Variants in PGAP1 observed in about 807,000 individuals in gnomAD.
PGAP1 encodes the protein post-GPI attachment to proteins inositol deacylase 1.
In PGAP1, 76 loss-of-function variants were observed where a neutral mutation model predicts 127.0. The observed-to-expected ratio is 0.60, with a 90% confidence interval of 0.50 to 0.72. PGAP1 has a LOEUF of 0.72. Among genes scored for constraint, PGAP1 ranks in the 30% least tolerant of loss-of-function variants. PGAP1 has a pLI of 0.00. For synonymous variants in PGAP1, 362 were observed against 366.5 expected, an observed-to-expected ratio of 0.99 and a Z score of 0.14; for missense variants, 982 against 1,071.3, an observed-to-expected ratio of 0.92 and a Z score of 1.16.
At chr2:196,904,352 T>C (rs1702613991) in intron 4 of PGAP1, among the ~76,000 whole-genome samples, 1 of 152,120 alleles carries the variant, frequency 6.6e-6, no homozygotes, top group Non-Finnish European at 1.5e-5. Flanking sequence ...CAACTCAAGC[T>C]TAGGATTCTA....
chr2:196,912,160 G>A (rs1026142295), intron 4 of PGAP1, among the ~76,000 whole-genome samples: 1 of 152,016 alleles, frequency 6.6e-6, no homozygotes, highest in Non-Finnish European at 1.5e-5. Flanking sequence ...CATACTAAGA[G>A]CTCAATAAAT....
At chr2:196,872,791 A>G (rs548846818) in intron 17 of PGAP1, 169 bp downstream of exon 17, 6 of 558,908 alleles carry the variant, frequency 1.1e-5, no homozygotes, top group African/African-American at 7.7e-5. Context: ...TAAGTTCTCT[A>G]TCATTTCATA....
At chr2:196,902,505 C>T (rs1702530816) in intron 5 of PGAP1, 80 bp downstream of exon 5, 1 of 1,229,602 alleles carries the variant, frequency 8.1e-7, no homozygotes, top group African/African-American at 1.5e-5. Context: ...CATTACCATG[C>T]AGCTATATAT....
At chr2:196,901,002 T>G (rs1202027450) in intron 5 of PGAP1, among the ~76,000 whole-genome samples, 1 of 152,122 alleles carries the variant, frequency 6.6e-6, no homozygotes, top group African/African-American at 2.4e-5. Context: ...CACACACCCA[T>G]GCCTACACAC....
intron 20 of PGAP1, among the ~76,000 whole-genome samples, chr2:196,848,250 C>T (rs1275724962): frequency 6.6e-6 from 1 of 152,018 alleles, no homozygotes; most frequent in Non-Finnish European, 1.5e-5. Context: ...AAAACAAATT[C>T]AGGAAGTCAA....
chr2:196,907,255 G>A (rs1402561582), intron 4 of PGAP1, among the ~76,000 whole-genome samples: 4 of 10,548 alleles, frequency 3.8e-4, no homozygotes, highest in African/African-American at 1.4e-3. Context: ...CGGATCTCTC[G>A]GCAGAAACCC....
chr2:196,904,589 G>A (rs924053531), intron 4 of PGAP1, among the ~76,000 whole-genome samples: 3 of 152,182 alleles, frequency 2.0e-5, no homozygotes. Context: ...TTAGCTGGGC[G>A]TGGTGGCATG....
Position 196,893,278 on chromosome 2 carries a change from T to C in PGAP1, c.928-33A>G, listed in dbSNP as rs768764420. 4.4e-6 allele frequency: 5 copies of C among 1,132,710 alleles called. No individual in the cohort carries two copies. The East Asian group carries it at 1.2e-4, about 27-fold the overall frequency. The allele number at this position is 1,132,710 out of a possible 1,614,324, so 70.2% of individuals were successfully genotyped here. The stretch of plus-strand genomic sequence containing the variant: ...GAACATTGATACATTCTGTATCATT[T>C]TGTATCTATTGTAATAGCTTGATGA... On this transcript the variant is annotated intron_variant, in intron 7 of 26. Coordinates refer to ENST00000354764, the MANE Select transcript of PGAP1 (RefSeq NM_024989.4).
intron 10 of PGAP1, among the ~76,000 whole-genome samples, chr2:196,887,775 A>G (rs528462913): frequency 1.3e-5 from 2 of 152,332 alleles, no homozygotes; most frequent in South Asian, 2.1e-4. Flanking sequence ...AACAAATAAA[A>G]AAGTGTGGTG....
chr2:196,905,820 G>T (rs28493782), intron 4 of PGAP1, among the ~76,000 whole-genome samples: 1 of 132,260 alleles, frequency 7.6e-6, no homozygotes, highest in East Asian at 2.2e-4. Flanking sequence ...TTCCCTTTCC[G>T]AGTCAAAGAA....
At chr2:196,864,901 T>TGGAACTCA (rs1304619967) in intron 20 of PGAP1, 86 bp downstream of exon 20, 1 of 593,384 alleles carries the variant, frequency 1.7e-6, no homozygotes, top group African/African-American at 2.0e-5. Context: ...AACAGAATTA[T>TGGAACTCA]ATATATAAAC....
intron 13 of PGAP1, among the ~76,000 whole-genome samples, chr2:196,877,365 A>G (rs1030776951): frequency 3.3e-5 from 5 of 152,148 alleles, no homozygotes; most frequent in Non-Finnish European, 5.9e-5. Context: ...AAAAATTATG[A>G]AAGACTTAAG....
intron 26 of PGAP1, among the ~76,000 whole-genome samples, chr2:196,842,388 G>T (rs960941507): frequency 6.6e-6 from 1 of 152,114 alleles, no homozygotes; most frequent in African/African-American, 2.4e-5. Context: ...GAACCCTCAT[G>T]TAAGCATTAC....
chr2:196,851,431 T>C (rs1366874291), intron 20 of PGAP1, among the ~76,000 whole-genome samples: 1 of 152,222 alleles, frequency 6.6e-6, no homozygotes, highest in Non-Finnish European at 1.5e-5. Context: ...AAAACAATTA[T>C]GTAATCCTCC....
chr2:196,863,830 C>T (rs1199718940), intron 20 of PGAP1, among the ~76,000 whole-genome samples: 2 of 152,012 alleles, frequency 1.3e-5, no homozygotes, highest in Admixed American at 6.6e-5. Context: ...CCGCCCGCCT[C>T]GGCCTCCCAA....
intron 26 of PGAP1, among the ~76,000 whole-genome samples, chr2:196,841,757 T>A (rs113835810): frequency 3.6e-4 from 55 of 152,264 alleles, no homozygotes; most frequent in South Asian, 3.5e-3. Flanking sequence ...GACCTCGTGA[T>A]CCACCCGCCT....
intron 5 of PGAP1, 91 bp downstream of exon 5, chr2:196,902,494 T>C: frequency 8.9e-7 from 1 of 1,125,010 alleles, no homozygotes; most frequent in South Asian, 1.6e-5. Context: ...AACTCAGCAG[T>C]CATTACCATG....
At chr2:196,905,760 G>T (rs1022282157) in intron 4 of PGAP1, among the ~76,000 whole-genome samples, 10 of 146,124 alleles carry the variant, frequency 6.8e-5, no homozygotes, top group Non-Finnish European at 1.2e-4. Flanking sequence ...TGCGCGAGCC[G>T]AAGCAGGGCG....
chr2:196,902,450 C>T (rs1702529239), intron 5 of PGAP1, 135 bp downstream of exon 5: 4 of 620,544 alleles, frequency 6.4e-6, no homozygotes, highest in Non-Finnish European at 1.1e-5. Context: ...CTCTCTTACA[C>T]ACATGCATGC....
Sources: allele counts gnomAD v4.1 joint callset (sites outside exome capture counted in the v4.1 genomes callset), GRCh38; gene constraint gnomAD v4.1.1; transcripts MANE v1.5; gene names NCBI Gene and HGNC (gene_info 2026-07-23, HGNC 2026-07-21).